The following UNC93A variants were observed in gnomAD, a reference collection of about 807,000 sequenced individuals.
UNC93A encodes the protein unc-93 homolog A.
A neutral mutation model predicts 47.5 loss-of-function variants in UNC93A; 43 were observed. That is an observed-to-expected ratio of 0.91 (90% CI 0.71 to 1.17). The LOEUF (loss-of-function observed/expected upper bound fraction) is 1.17, where lower values mean the gene tolerates loss of function less well. Among genes scored for constraint, UNC93A ranks in the 50% most tolerant of loss-of-function variants. The pLI is 0.00. For missense variants in UNC93A, 605 were observed against 577.6 expected (o/e 1.05, Z -0.49); for synonymous variants, 280 against 258.0 (o/e 1.09, Z -0.82).
At position 167,301,951 on chromosome 6, in the gene UNC93A, G is replaced by C. The variant is rs192714040; in HGVS notation, c.626-1968G>C. Reference sequence around the variant, plus strand: ...CCAGGACAACACAGAGGAAAATCAAGGGTGACCAAGAAACACCTGTGGCAG... The same window carrying C: ...CCAGGACAACACAGAGGAAAATCAACGGTGACCAAGAAACACCTGTGGCAG... On this transcript the variant is annotated intron_variant, in intron 4 of 7. Coordinates refer to ENST00000230256, the MANE Select transcript of UNC93A (RefSeq NM_018974.4). 4.6e-5 allele frequency among the ~76,000 whole-genome samples: 7 copies of C among 152,266 alleles called. No homozygotes were observed. In the South Asian group the frequency reaches 6.2e-4, roughly 14 times the overall value.
chr6:167,311,517 C>G (rs1029080323), intron 7 of UNC93A, among the ~76,000 whole-genome samples: 1 of 152,220 alleles, frequency 6.6e-6, no homozygotes, highest in Admixed American at 6.5e-5. Flanking sequence ...CATGAAGATA[C>G]AGAATGTCTA....
intron 3 of UNC93A, among the ~76,000 whole-genome samples, chr6:167,297,013 C>A (rs150724077): frequency 6.6e-6 from 1 of 152,140 alleles, no homozygotes; most frequent in Non-Finnish European, 1.5e-5. Context: ...TTTTCTCATG[C>A]GATGTCATGC....
chr6:167,309,674 A>G (rs933255746), intron 7 of UNC93A, among the ~76,000 whole-genome samples: 1 of 152,196 alleles, frequency 6.6e-6, no homozygotes, highest in African/African-American at 2.4e-5. Context: ...ACTGAGGATA[A>G]AGAGCACATG....
chr6:167,302,707 T>C (rs1431312305), intron 4 of UNC93A, among the ~76,000 whole-genome samples: 13 of 152,206 alleles, frequency 8.5e-5, no homozygotes, highest in Admixed American at 8.5e-4. Context: ...TCCTCATGGA[T>C]GAAATGAATA....
intron 1 of UNC93A, among the ~76,000 whole-genome samples, chr6:167,293,593 C>T (rs150457782): frequency 1.3e-4 from 20 of 152,298 alleles, no homozygotes; most frequent in Non-Finnish European, 2.4e-4. Flanking sequence ...CCCAAGGCTA[C>T]TATGGGGTTG....
intron 7 of UNC93A, among the ~76,000 whole-genome samples, chr6:167,309,911 T>G (rs933193563): frequency 2.0e-5 from 3 of 152,102 alleles, no homozygotes; most frequent in Admixed American, 6.5e-5. Flanking sequence ...CTCTGGCTTG[T>G]TGGGATCAAG....
At chr6:167,299,939 A>G (rs919135749) in intron 4 of UNC93A, among the ~76,000 whole-genome samples, 6 of 152,226 alleles carry the variant, frequency 3.9e-5, no homozygotes, top group Non-Finnish European at 7.3e-5. Flanking sequence ...GCAGAGAGAC[A>G]GCGGGCAGAG....
At chr6:167,304,572 C>G (rs1213425438) in intron 5 of UNC93A, among the ~76,000 whole-genome samples, 1 of 149,190 alleles carries the variant, frequency 6.7e-6, no homozygotes, top group African/African-American at 2.5e-5. Flanking sequence ...TTTTTTCTTT[C>G]TTTTTTTCTT....
upstream of UNC93A, among the ~76,000 whole-genome samples, chr6:167,269,519 A>T (rs1783418363): frequency 6.6e-6 from 1 of 152,204 alleles, no homozygotes; most frequent in Admixed American, 6.5e-5. Context: ...AAATAAAGGA[A>T]CCCAATGAAA....
chr6:167,295,507 G>A (rs1778045349), intron 2 of UNC93A, among the ~76,000 whole-genome samples: 1 of 85,242 alleles, frequency 1.2e-5, no homozygotes, highest in African/African-American at 8.2e-5. Flanking sequence ...CGTGATCCTC[G>A]CCTGCCTCGT....
At chr6:167,279,117 A>T (rs1783591221) in intron 1 of UNC93A, among the ~76,000 whole-genome samples, 1 of 152,236 alleles carries the variant, frequency 6.6e-6, no homozygotes, top group Non-Finnish European at 1.5e-5. Flanking sequence ...ACTAGTTAAG[A>T]CATACTTATT....
intron 4 of UNC93A, 196 bp downstream of exon 4, chr6:167,298,266 C>A: frequency 2.5e-6 from 2 of 789,110 alleles, no homozygotes; most frequent in Non-Finnish European, 3.8e-6. Flanking sequence ...TGCTGTCTAA[C>A]AGAGGATCCT....
chr6:167,308,638 G>T (rs1778470298), intron 7 of UNC93A, among the ~76,000 whole-genome samples: 1 of 151,902 alleles, frequency 6.6e-6, no homozygotes, highest in African/African-American at 2.4e-5. Flanking sequence ...TAAGAAGGCG[G>T]CCTGGGGGGA....
chr6:167,290,696 G>A (rs1380162425), upstream of UNC93A, among the ~76,000 whole-genome samples: 1 of 152,166 alleles, frequency 6.6e-6, no homozygotes, highest in Non-Finnish European at 1.5e-5. Context: ...ATAGTCACAT[G>A]TGGCGAGTGG....
chr6:167,304,126 A>AC lies in UNC93A; in HGVS notation c.834dup (p.Thr279HisfsTer25), dbSNP rs769477260. The AC allele has an allele frequency of 6.2e-6, 10 of 1,614,214 alleles. No homozygotes were observed. The African/African-American group carries it at 1.1e-4, about 17-fold the overall frequency. ...CAGCAAGGATTCCTCTCCAGCGAAT[A>AC]CACAAGGGTATGAACGAAAGTGAGG... On this transcript the variant is annotated frameshift_variant, in exon 5 of 8. Coordinates refer to ENST00000230256, the MANE Select transcript of UNC93A (RefSeq NM_018974.4). LOFTEE classifies it high-confidence loss of function.
intron 1 of UNC93A, among the ~76,000 whole-genome samples, chr6:167,278,006 C>T (rs1783572038): frequency 6.6e-6 from 1 of 152,160 alleles, no homozygotes; most frequent in Non-Finnish European, 1.5e-5. Context: ...GCGCTTTCTT[C>T]TTGAAGCATC....
rs551970803 is a variant in UNC93A, at chr6:167,299,153, T to C, written c.625+1083T>C. ...AAATACACACACACACACACACACA[T>C]ATTTATATATGCATGTACATATACA... On this transcript the variant is annotated intron_variant, in intron 4 of 7. Transcript: ENST00000230256. Among the ~76,000 whole-genome samples, 216 of 147,218 alleles carry C rather than the reference T, an allele frequency of 1.5e-3. 2 individuals are homozygous for C. Among genetic ancestry groups the C allele is most frequent in the African/African-American group, 4.6e-3 (178 of 38,906 alleles).
Position 167,272,982 on chromosome 6 carries a change from G to C in UNC93A, c.-52+1524G>C, listed in dbSNP as rs191675488. On this transcript the variant is annotated intron_variant, in intron 1 of 3. Transcript: ENST00000503433. Reference sequence around the variant, plus strand: ...GTTAAAATTTAAGAGTGCCCTGGCAGAGGAGGAGGTTCATTCAGATGGTTG... The same window carrying C: ...GTTAAAATTTAAGAGTGCCCTGGCACAGGAGGAGGTTCATTCAGATGGTTG... 2.2e-3 allele frequency among the ~76,000 whole-genome samples: 337 copies of C among 152,018 alleles called. 4 individuals carry two copies. The highest frequency in any genetic ancestry group is 7.9e-3 in the African/African-American group (326 of 41,412).
chr6:167,303,464 T>C (rs894888233), intron 4 of UNC93A, among the ~76,000 whole-genome samples: 1 of 152,140 alleles, frequency 6.6e-6, no homozygotes, highest in African/African-American at 2.4e-5. Flanking sequence ...TGGAGGACTT[T>C]TGCACAAAAT....
Sources: gnomAD v4.1 joint callset for allele counts (sites outside exome capture counted in the v4.1 genomes callset) on GRCh38, gnomAD v4.1.1 for gene constraint, MANE v1.5 for transcripts, NCBI Gene and HGNC (gene_info 2026-07-23, HGNC 2026-07-21) for gene names.